Variants in MRPL48 observed in about 807,000 individuals in gnomAD.
MRPL48 encodes the protein large ribosomal subunit protein mL48.
MRPL48 carries 16 observed loss-of-function variants against 32.9 expected under a neutral mutation model. The observed-to-expected ratio is 0.49, with a 90% CI of 0.33 to 0.74. The LOEUF (loss-of-function observed/expected upper bound fraction) is 0.74. Among genes scored for constraint, MRPL48 ranks in the 30% least tolerant of loss-of-function variants. MRPL48 has a pLI of 0.02. For synonymous variants in MRPL48, 94 were observed against 89.2 expected, an observed-to-expected ratio of 1.05 and a Z score of -0.31; for missense variants, 206 against 245.3, an observed-to-expected ratio of 0.84 and a Z score of 1.07.
intron 1 of MRPL48, among the ~76,000 whole-genome samples, chr11:73,793,026 G>T (rs539070691): frequency 6.6e-4 from 101 of 152,320 alleles, no homozygotes; most frequent in African/African-American, 2.3e-3. Context: ...TATGCTAGAT[G>T]CTGGGATGTA....
chr11:73,790,846 G>C (rs999645600), intron 1 of MRPL48, among the ~76,000 whole-genome samples: 7 of 141,984 alleles, frequency 4.9e-5, no homozygotes, highest in African/African-American at 1.8e-4. Flanking sequence ...ATTATTAGTT[G>C]TACCCCTCCT....
intron 4 of MRPL48, among the ~76,000 whole-genome samples, chr11:73,830,611 C>T (rs1262653792): frequency 1.3e-5 from 2 of 152,058 alleles, no homozygotes; most frequent in Non-Finnish European, 2.9e-5. Context: ...CCATTTTTTC[C>T]TCTCTGGGTC....
intron 5 of MRPL48, among the ~76,000 whole-genome samples, chr11:73,858,724 T>C (rs986168523): frequency 6.6e-6 from 1 of 152,242 alleles, no homozygotes; most frequent in South Asian, 2.1e-4. Context: ...AACACAACAC[T>C]ACTACCATAT....
intron 4 of MRPL48, among the ~76,000 whole-genome samples, chr11:73,836,438 A>T (rs572280580): frequency 6.6e-6 from 1 of 152,192 alleles, no homozygotes; most frequent in South Asian, 2.1e-4. Flanking sequence ...ACCTCAGGTG[A>T]TCCTCCCACC....
At chr11:73,791,423 A>T (rs576876291) in intron 1 of MRPL48, among the ~76,000 whole-genome samples, 41 of 149,912 alleles carry the variant, frequency 2.7e-4, no homozygotes, top group African/African-American at 5.1e-4. Flanking sequence ...CTTTTTTTTT[A>T]AATTTTGTTT....
rs551784915 is a variant in MRPL48 at position 73,815,354 on chromosome 11, C to G, written c.112+7004C>G. Among the ~76,000 whole-genome samples, 9 of 151,940 alleles carry G rather than the reference C, an allele frequency of 5.9e-5. No individual in the cohort carries two copies. In the South Asian group the frequency reaches 1.5e-3, roughly 25 times the overall value. ...GCTTGAACCTGGGAGGCGGAGGTTGCGGTGAGCCGAGACCACGCCATCGCA... is the reference window on the plus strand; with the variant it reads ...GCTTGAACCTGGGAGGCGGAGGTTGGGGTGAGCCGAGACCACGCCATCGCA... On this transcript the variant is annotated intron_variant, in intron 3 of 7. Coordinates refer to ENST00000310614, the MANE Select transcript of MRPL48 (RefSeq NM_016055.6).
Position 73,825,731 on chromosome 11 carries a change from C to A in MRPL48, c.136C>A (p.Arg46=), listed in dbSNP as rs367770806. The change falls in exon 4 of 8, where the codon CGG becomes AGG. Residue 46 remains arginine, a synonymous_variant. Transcript: ENST00000310614. ...AGGTGGAATTCTACTAAGTATCAGT[C>A]GGCCCTACAAGACAAAGCCCACCCA... The part of the protein sequence containing the change: ...SVGGILLSIS[R]PYKTKPTHGI... 3.2e-6 allele frequency: 5 copies of A among 1,565,966 alleles called. No individual in the cohort carries two copies. In the Admixed American group the frequency reaches 5.7e-5, roughly 18 times the overall value.
At chr11:73,806,254 A>C (rs1471225380) in intron 2 of MRPL48, among the ~76,000 whole-genome samples, 2 of 152,154 alleles carry the variant, frequency 1.3e-5, no homozygotes, top group East Asian at 3.8e-4. Flanking sequence ...ACCATGGCCT[A>C]TAGGACCTTC....
At chr11:73,821,624 A>T (rs746229868) in intron 3 of MRPL48, among the ~76,000 whole-genome samples, 8 of 152,144 alleles carry the variant, frequency 5.3e-5, no homozygotes, top group Non-Finnish European at 7.3e-5. Context: ...CTGGCACTCA[A>T]GTTCATCTTA....
At chr11:73,820,209 C>G (rs1365797186) in intron 3 of MRPL48, among the ~76,000 whole-genome samples, 1 of 152,120 alleles carries the variant, frequency 6.6e-6, no homozygotes, top group Admixed American at 6.6e-5. Context: ...ACGGTTGATT[C>G]CGACCACTAC....
intron 5 of MRPL48, among the ~76,000 whole-genome samples, chr11:73,852,588 AG>A (rs897584300): frequency 6.6e-6 from 1 of 152,124 alleles, no homozygotes; most frequent in Non-Finnish European, 1.5e-5. Context: ...TCCAAAAGAC[AG>A]GCAATAACAA....
intron 5 of MRPL48, chr11:73,850,440 T>A: frequency 1.4e-4 from 41 of 292,404 alleles, no homozygotes; most frequent in South Asian, 2.3e-4. Context: ...CCCAGTCCTT[T>A]AAAAAAAAAA....
intron 3 of MRPL48, among the ~76,000 whole-genome samples, chr11:73,810,555 CTTTA>C (rs111420770): frequency 0.077 from 8,791 of 114,634 alleles, 365 homozygotes; most frequent in East Asian, 0.19. Flanking sequence ...TGTTTTCTTT[CTTTA>C]TTTTTTTTTT....
At position 73,860,153 on chromosome 11, in the gene MRPL48, C is replaced by T. The variant is rs1224652473; in HGVS notation, c.474+144C>T. On this transcript the variant is annotated intron_variant, in intron 6 of 7. Transcript: ENST00000310614. ...TTCAGTTCTTGATGCCTCCATCTCT[C>T]CTTTTATAATACCTTCCCCCTATGC... 4 of 629,500 alleles carry T rather than the reference C, an allele frequency of 6.4e-6. No homozygotes were observed. The Admixed American group carries it at 8.8e-5, about 14-fold the overall frequency. 39.0% of individuals were successfully genotyped at this position (629,500 alleles called of 1,614,324 possible).
intron 3 of MRPL48, among the ~76,000 whole-genome samples, chr11:73,812,673 A>T (rs1947586755): frequency 6.6e-6 from 1 of 150,818 alleles, no homozygotes; most frequent in African/African-American, 2.4e-5. Flanking sequence ...CTGTGAATAG[A>T]TGCCATACTC....
rs58341192 is a variant in MRPL48 at position 73,805,851 on chromosome 11, G to A, written c.74+772G>A. Among the ~76,000 whole-genome samples the A allele has an allele frequency of 4.2e-3, 640 of 151,810 alleles. 1 individual carries two copies. Among genetic ancestry groups the A allele is most frequent in the African/African-American group, 0.015 (605 of 41,378 alleles). On this transcript the variant is annotated intron_variant, in intron 2 of 7. Transcript: ENST00000310614. ...TTTTTGTATTTTTTGTGGAGACAGGGTTTTGCCATGTTGCCCAGGCTGGTC... is the reference window on the plus strand; with the variant it reads ...TTTTTGTATTTTTTGTGGAGACAGGATTTTGCCATGTTGCCCAGGCTGGTC...
intron 5 of MRPL48, among the ~76,000 whole-genome samples, chr11:73,858,334 T>C (rs182142490): frequency 5.3e-5 from 8 of 152,368 alleles, no homozygotes; most frequent in Admixed American, 2.0e-4. Context: ...CATTTAATCA[T>C]TACAACAACT....
chr11:73,835,923 A>G (rs1479919912), intron 4 of MRPL48, among the ~76,000 whole-genome samples: 2 of 151,738 alleles, frequency 1.3e-5, no homozygotes, highest in African/African-American at 4.8e-5. Context: ...TTAAAATGCC[A>G]TTTATTTATT....
intron 1 of MRPL48, among the ~76,000 whole-genome samples, chr11:73,788,920 G>A (rs573069643): frequency 9.2e-5 from 14 of 152,256 alleles, no homozygotes; most frequent in African/African-American, 3.1e-4. Flanking sequence ...GTATCATGCT[G>A]CTTAGATTAA....
Sources: gnomAD v4.1 joint callset for allele counts (sites outside exome capture counted in the v4.1 genomes callset) on GRCh38, gnomAD v4.1.1 for gene constraint, MANE v1.5 for transcripts, NCBI Gene and HGNC (gene_info 2026-07-23, HGNC 2026-07-21) for gene names.